Variants in ARHGAP18 observed in about 807,000 individuals in gnomAD.
The protein encoded by ARHGAP18 is Rho GTPase activating protein 18.
Under a neutral mutation model 86.2 loss-of-function variants are expected in ARHGAP18, and 67 were observed. That is an observed-to-expected ratio of 0.78 (90% CI 0.64 to 0.95). The LOEUF (loss-of-function observed/expected upper bound fraction) is 0.95, where lower values mean the gene tolerates loss of function less well. Among genes scored for constraint, ARHGAP18 ranks in the 40% least tolerant of loss-of-function variants. The pLI is 0.00. For synonymous variants in ARHGAP18, 283 were observed against 280.4 expected, an observed-to-expected ratio of 1.01 and a Z score of -0.09; for missense variants, 691 against 780.4, an observed-to-expected ratio of 0.89 and a Z score of 1.37.
At chr6:129,676,956 G>T (rs1172225670) in intron 1 of ARHGAP18, among the ~76,000 whole-genome samples, 4 of 109,690 alleles carry the variant, frequency 3.6e-5, no homozygotes, top group Non-Finnish European at 6.6e-5. Flanking sequence ...TTTAAGGAAG[G>T]AAAATAGAGG....
chr6:129,601,744 A>G (rs1788750528), intron 10 of ARHGAP18, among the ~76,000 whole-genome samples: 2 of 151,706 alleles, frequency 1.3e-5, no homozygotes, highest in Middle Eastern at 3.4e-3. Context: ...CTCCTGCCTC[A>G]GTCTCCAGAG....
At chr6:129,652,514 C>T (rs1436440422) in intron 1 of ARHGAP18, among the ~76,000 whole-genome samples, 1 of 152,156 alleles carries the variant, frequency 6.6e-6, no homozygotes, top group Admixed American at 6.5e-5. Flanking sequence ...TTCCACCTCC[C>T]CTCATATTCT....
intron 14 of ARHGAP18, 125 bp downstream of exon 14, chr6:129,579,945 G>C: frequency 1.2e-6 from 1 of 812,328 alleles, no homozygotes; most frequent in Admixed American, 2.7e-5. Context: ...ACAATATTCA[G>C]CAACTTATCT....
chr6:129,613,765 T>G (rs2114464566), intron 7 of ARHGAP18, among the ~76,000 whole-genome samples: 1 of 152,282 alleles, frequency 6.6e-6, no homozygotes, highest in African/African-American at 2.4e-5. Context: ...TAAATAATAC[T>G]TTATAGCATT....
At chr6:129,702,161 G>C (rs1016822) in intron 1 of ARHGAP18, among the ~76,000 whole-genome samples, 85,301 of 152,108 alleles carry the variant, frequency 0.56, 24,148 homozygotes, top group East Asian at 0.66. Context: ...CAGATACTTA[G>C]TGGACTTAAG....
intron 1 of ARHGAP18, among the ~76,000 whole-genome samples, chr6:129,656,893 T>C (rs1321911419): frequency 1.3e-5 from 2 of 152,218 alleles, no homozygotes; most frequent in African/African-American, 4.8e-5. Context: ...GGCAGTCCTT[T>C]ATCATACCTT....
chr6:129,609,846 G>A (rs1788941898), intron 8 of ARHGAP18, among the ~76,000 whole-genome samples: 1 of 152,012 alleles, frequency 6.6e-6, no homozygotes, highest in Non-Finnish European at 1.5e-5. Flanking sequence ...AAGAGCCAAG[G>A]AGGCCGAAAC....
rs1469151374 is a variant in ARHGAP18, at chr6:129,625,658, T to C, written c.786+3695A>G. ...ATTTATATTATATATTTATATATTA[T>C]ATATATTTATATTATATTATATATA... On this transcript the variant is annotated intron_variant, in intron 5 of 14. Transcript: ENST00000368149. 5.0e-3 allele frequency among the ~76,000 whole-genome samples: 377 copies of C among 75,202 alleles called. 21 individuals are homozygous for C. Among genetic ancestry groups the C allele is most frequent in the African/African-American group, 0.019 (359 of 18,458 alleles). 49.3% of individuals were successfully genotyped at this position (75,202 alleles called of 152,430 possible).
In ARHGAP18 at chr6:129,596,399, T is replaced by C. The variant is rs934959879; in HGVS notation, c.1713+2817A>G. 2.0e-5 allele frequency among the ~76,000 whole-genome samples: 3 copies of C among 152,198 alleles called. No homozygotes were observed. The South Asian group carries it at 6.2e-4, about 31-fold the overall frequency. On this transcript the variant is annotated intron_variant, in intron 12 of 14. Coordinates refer to ENST00000368149, the MANE Select transcript of ARHGAP18 (RefSeq NM_033515.3). ...TCCCTGCCCTTCTTCTTGTCTTTGC[T>C]TAAATGAATAATATCCAGACCATCT... is the stretch of plus-strand genomic sequence containing the variant.
chr6:129,691,530 C>T (rs1243007537), intron 1 of ARHGAP18, among the ~76,000 whole-genome samples: 1 of 152,166 alleles, frequency 6.6e-6, no homozygotes, highest in African/African-American at 2.4e-5. Context: ...AAGAGTGGCT[C>T]TCTCTAAGCG....
intron 12 of ARHGAP18, among the ~76,000 whole-genome samples, chr6:129,597,098 C>A (rs552094184): frequency 2.0e-5 from 3 of 152,154 alleles, no homozygotes; most frequent in African/African-American, 7.2e-5. Context: ...TATTTACTCT[C>A]CCTAATAAAA....
At chr6:129,651,749 C>T (rs1773715432) in intron 1 of ARHGAP18, among the ~76,000 whole-genome samples, 1 of 152,102 alleles carries the variant, frequency 6.6e-6, no homozygotes, top group African/African-American at 2.4e-5. Flanking sequence ...CCAGTCATCC[C>T]CTGCTCAATT....
chr6:129,687,450 C>T (rs1774449706), intron 1 of ARHGAP18, among the ~76,000 whole-genome samples: 1 of 152,150 alleles, frequency 6.6e-6, no homozygotes, highest in Non-Finnish European at 1.5e-5. Flanking sequence ...TCTTCTTCCT[C>T]AGGCACCAAG....
At position 129,629,487 on chromosome 6, in the gene ARHGAP18, T is replaced by C. The variant is rs774349348; in HGVS notation, c.652A>G (p.Ile218Val). ...GGGGCAGGCGTCTCCTCAGGTGGGA[T>C]CAGCTTCTCTTCACCAACAAGGTTA... Reference protein sequence around the residue: ...ASNLVGEEKLIPPEETPAPET... With the variant: ...ASNLVGEEKLVPPEETPAPET... The change falls in exon 5 of 15, where the codon ATC (isoleucine) becomes GTC (valine). Residue 218 changes from isoleucine (I) to valine (V), a missense_variant. Ile to Val is a conservative substitution (Grantham distance 29). Coordinates refer to ENST00000368149, the MANE Select transcript of ARHGAP18 (RefSeq NM_033515.3). 19 of 1,613,464 alleles carry C rather than the reference T, an allele frequency of 1.2e-5. No homozygotes were observed. Among genetic ancestry groups the C allele is most frequent in the Non-Finnish European group, 1.4e-5 (17 of 1,179,782 alleles).
At chr6:129,621,599 A>G (rs1789230389) in intron 5 of ARHGAP18, among the ~76,000 whole-genome samples, 1 of 152,204 alleles carries the variant, frequency 6.6e-6, no homozygotes, top group African/African-American at 2.4e-5. Flanking sequence ...CTGTAGAATG[A>G]GAACAACTGA....
At position 129,625,376 on chromosome 6, in the gene ARHGAP18, T is replaced by A. The variant is rs1216743613; in HGVS notation, c.786+3977A>T. ...TATATATTATGTATATTTATATATA[T>A]TATATATTATATATTTATACATATG... On this transcript the variant is annotated intron_variant, in intron 5 of 14. Coordinates refer to ENST00000368149, the MANE Select transcript of ARHGAP18 (RefSeq NM_033515.3). Among the ~76,000 whole-genome samples the A allele has an allele frequency of 1.0e-4, 8 of 79,238 alleles. 1 individual carries two copies. The highest frequency in any genetic ancestry group is 4.4e-4 in the East Asian group (1 of 2,286). The allele number at this position is 79,238 out of a possible 152,430, so 52.0% of individuals were successfully genotyped here. A position where few individuals can be genotyped will look rare whatever the true frequency, so the allele number is the denominator to read the frequency against.
At position 129,578,389 on chromosome 6, in the gene ARHGAP18, G is replaced by T; in HGVS notation, c.*124C>A. On this transcript the variant is annotated 3_prime_UTR_variant, in exon 15 of 15. Coordinates refer to ENST00000368149, the MANE Select transcript of ARHGAP18 (RefSeq NM_033515.3). The stretch of plus-strand genomic sequence containing the variant: ...CTATGACTTTTTAAGGCTTAAGAGA[G>T]TCATTTTTAAATACTTGGGTACAAC... The T allele has an allele frequency of 1.8e-6, 1 of 563,642 alleles. No individual in the cohort carries two copies. The highest frequency in any genetic ancestry group is 2.9e-6 in the Non-Finnish European group (1 of 341,008). 34.9% of individuals were successfully genotyped at this position (563,642 alleles called of 1,614,324 possible). A position where few individuals can be genotyped will look rare whatever the true frequency, so the allele number is the denominator to read the frequency against.
chr6:129,601,492 G>GAGA (rs1422871351), intron 10 of ARHGAP18, among the ~76,000 whole-genome samples: 1 of 146,550 alleles, frequency 6.8e-6, no homozygotes, highest in Non-Finnish European at 1.5e-5. Context: ...GAGAAGAGAA[G>GAGA]AGAGAAAAGA....
intron 1 of ARHGAP18, among the ~76,000 whole-genome samples, chr6:129,678,558 C>A (rs1253968952): frequency 6.6e-6 from 1 of 152,112 alleles, no homozygotes; most frequent in Non-Finnish European, 1.5e-5. Context: ...TCATATTAGA[C>A]CATAATTATC....
Sources: allele counts gnomAD v4.1 joint callset (sites outside exome capture counted in the v4.1 genomes callset), GRCh38; gene constraint gnomAD v4.1.1; transcripts MANE v1.5; gene names NCBI Gene and HGNC (gene_info 2026-07-23, HGNC 2026-07-21).